MCM5: variants seen among roughly 807,000 people sequenced by gnomAD.
MCM5 encodes minichromosome maintenance complex component 5, also known as DNA replication licensing factor MCM5.
MCM5 carries 46 observed loss-of-function variants against 79.9 expected under a neutral mutation model. The ratio of observed to expected loss-of-function variants is 0.58; its 90% confidence interval spans 0.45 to 0.74. MCM5 has a LOEUF of 0.74. Among genes scored for constraint, MCM5 ranks in the 30% least tolerant of loss-of-function variants. The probability of loss-of-function intolerance (pLI) is 0.00; values close to 1 mark genes in which losing one functional copy is unlikely to be tolerated. For missense variants in MCM5, 883 were observed against 1,017.0 expected (o/e 0.87, Z 1.79); for synonymous variants, 404 against 390.5 (o/e 1.03, Z -0.41).
At chr22:35,434,255 T>G in the MCM5 span, among the ~76,000 whole-genome samples, 2 of 151,792 alleles carry the variant, frequency 1.3e-5, no homozygotes, top group African/African-American at 4.8e-5. Flanking sequence ...AGTAATAATA[T>G]GCTTGAAAAA....
chr22:35,439,434 C>T, the MCM5 span, among the ~76,000 whole-genome samples: 8 of 7,280 alleles, frequency 1.1e-3, no homozygotes, highest in South Asian at 0.016. Flanking sequence ...CATCCATCCA[C>T]CCACATATTA....
chr22:35,439,798 T>C, the MCM5 span, among the ~76,000 whole-genome samples: 1 of 152,188 alleles, frequency 6.6e-6, no homozygotes, highest in Non-Finnish European at 1.5e-5. Context: ...ATTTTCCCCA[T>C]CTGAAAAGTG....
chr22:35,406,017 A>G (rs1601752922), intron 4 of MCM5, among the ~76,000 whole-genome samples: 1 of 151,988 alleles, frequency 6.6e-6, no homozygotes, highest in African/African-American at 2.4e-5. Flanking sequence ...TCTCAAAAAA[A>G]AAAAAAGAAA....
At chr22:35,416,016 C>A (rs373566634) in intron 10 of MCM5, 44 bp downstream of exon 10, 59 of 1,596,992 alleles carry the variant, frequency 3.7e-5, no homozygotes, top group Non-Finnish European at 5.1e-5. Context: ...TGGGTGGCAC[C>A]AGGGTATGTG....
the MCM5 span, among the ~76,000 whole-genome samples, chr22:35,439,106 CCCAT>C: frequency 5.0e-3 from 735 of 146,008 alleles, 21 homozygotes; most frequent in South Asian, 0.084. Flanking sequence ...CATCCATTCA[CCCAT>C]CCACCCACAT....
rs753377947 is a variant in MCM5 at position 35,408,497 on chromosome 22, T to C, written c.686T>C (p.Leu229Pro). The C allele has an allele frequency of 1.2e-6, 2 of 1,614,088 alleles. No individual in the cohort carries two copies. Among genetic ancestry groups the C allele is most frequent in the Non-Finnish European group, 1.7e-6 (2 of 1,180,030 alleles). Residue 229 changes from leucine to proline, a missense_variant, in exon 6 of 17, where the codon CTG becomes CCG. Transcript: ENST00000216122. ...TGCGTGGACTTCCAGACCCTGAAGC[T>C]GCAGGAGCTGCCTGATGCAGTCCCC... ...CKCVDFQTLK[L>P]QELPDAVPHG...
rs765735143 is a variant in MCM5, at chr22:35,414,000, G to C, written c.1203+14G>C. On this transcript the variant is annotated intron_variant, in intron 9 of 16. Coordinates refer to ENST00000216122, the MANE Select transcript of MCM5 (RefSeq NM_006739.4). ...TCTCCCATTGGGGTGAGTGGCCTGGGATACCTTTGCCACCTTGGCTTGCAG... is the reference window on the plus strand; with the variant it reads ...TCTCCCATTGGGGTGAGTGGCCTGGCATACCTTTGCCACCTTGGCTTGCAG... The C allele has an allele frequency of 6.3e-7, 1 of 1,580,606 alleles. No homozygotes were observed. Among genetic ancestry groups the C allele is most frequent in the Non-Finnish European group, 8.7e-7 (1 of 1,149,582 alleles).
chr22:35,417,983 A>G, intron 13 of MCM5, 127 bp downstream of exon 13: 1 of 661,306 alleles, frequency 1.5e-6, no homozygotes, highest in Non-Finnish European at 2.7e-6. Flanking sequence ...TGAGGTTCTC[A>G]GCTCTACTGA....
At chr22:35,454,639 T>C in the MCM5 span, among the ~76,000 whole-genome samples, 1 of 152,316 alleles carries the variant, frequency 6.6e-6, no homozygotes, top group East Asian at 1.9e-4. Flanking sequence ...CTGTGTGATT[T>C]TGGACACCTT....
chr22:35,424,237 T>G lies in MCM5; in HGVS notation c.2187T>G (p.Val729=). ...GEIQHRMQRK[V]LYRLK is the part of the protein sequence containing the mutation. ...TCCAGCATCGCATGCAGCGCAAGGT[T>G]CTCTACCGCCTCAAGTGAGTCGCGC... Residue 729 remains valine (V), a synonymous_variant, in exon 17 of 17, where the codon GTT becomes GTG. Coordinates refer to ENST00000216122, the MANE Select transcript of MCM5 (RefSeq NM_006739.4). The G allele has an allele frequency of 6.5e-7, 1 of 1,549,244 alleles. No individual in the cohort carries two copies.
chr22:35,416,700 C>T lies in MCM5; in HGVS notation c.1476C>T (p.Phe492=), dbSNP rs762680535. Residue 492 remains phenylalanine (F), a synonymous_variant, in exon 12 of 17, where the codon TTC becomes TTT. Transcript: ENST00000216122. ...CSVLAAANSV[F]GRWDETKGED... is the part of the protein sequence containing the mutation. Reference sequence around the variant, plus strand: ...TCCTGGCTGCTGCCAACTCAGTGTTCGGCCGCTGGGATGAGACGAAGGGGG... The same window carrying T: ...TCCTGGCTGCTGCCAACTCAGTGTTTGGCCGCTGGGATGAGACGAAGGGGG... 2.0e-5 allele frequency: 33 copies of T among 1,614,040 alleles called. No homozygotes were observed. The highest frequency in any genetic ancestry group is 4.0e-5 in the African/African-American group (3 of 74,924).
chr22:35,401,284 T>G (rs1330978370), intron 2 of MCM5: 1 of 417,972 alleles, frequency 2.4e-6, no homozygotes, highest in Non-Finnish European at 5.1e-6. Context: ...GTCTGAGACC[T>G]TACAAACTCA....
chr22:35,403,139 C>CCTCA, intron 2 of MCM5, 68 bp from the exon 3 acceptor site: 1 of 1,586,892 alleles, frequency 6.3e-7, no homozygotes, highest in Non-Finnish European at 8.6e-7. Flanking sequence ...TGCAGGCACA[C>CCTCA]CTCAGCCAGT....
the MCM5 span, among the ~76,000 whole-genome samples, chr22:35,446,954 G>A: frequency 6.6e-6 from 1 of 152,118 alleles, no homozygotes; most frequent in Non-Finnish European, 1.5e-5. Context: ...CAAGCCCTCC[G>A]GGGGCCTCAG....
At chr22:35,437,002 G>A in the MCM5 span, among the ~76,000 whole-genome samples, 6 of 119,292 alleles carry the variant, frequency 5.0e-5, no homozygotes, top group East Asian at 1.3e-3. Context: ...CAGAGGACAT[G>A]AGGAGGCCAT....
rs1272365515 is a variant in MCM5, at chr22:35,406,583, C to T, written c.454C>T (p.Pro152Ser). The T allele has an allele frequency of 1.2e-6, 2 of 1,613,830 alleles. No individual in the cohort carries two copies. The highest frequency in any genetic ancestry group is 1.7e-5 in the Admixed American group (1 of 59,998). Reference protein sequence around the residue: ...SDMMSHLVKIPGIIIAASAVR... With the variant: ...SDMMSHLVKISGIIIAASAVR... The stretch of plus-strand genomic sequence containing the variant: ...CATGATGTCACACCTGGTGAAGATC[C>T]CTGGCATCATCATCGCGGCCTCTGC... Residue 152 changes from proline (P) to serine (S), a missense_variant, in exon 5 of 17, where the codon CCT (proline) becomes TCT (serine). By Grantham distance (74) the Pro-to-Ser change is moderately conservative (BLOSUM62 -1). Around this residue, in one of 3 missense-constraint regions of MCM5, gnomAD observed 455 missense variants for 517.5 expected, o/e 0.88. Transcript: ENST00000216122.
intron 14 of MCM5, among the ~76,000 whole-genome samples, chr22:35,421,039 G>A (rs1160590865): frequency 1.3e-5 from 2 of 149,180 alleles, no homozygotes; most frequent in African/African-American, 2.5e-5. Flanking sequence ...GAGGTGGAAG[G>A]ATCACTGGAG....
intron 9 of MCM5, among the ~76,000 whole-genome samples, chr22:35,414,632 A>AAAT (rs4645789): frequency 0.02 from 3,055 of 151,312 alleles, 99 homozygotes; most frequent in African/African-American, 0.07. Flanking sequence ...TAATAATAAT[A>AAAT]AATAATAATA....
At chr22:35,418,924 C>G (rs1310844951) in intron 13 of MCM5, among the ~76,000 whole-genome samples, 1 of 152,212 alleles carries the variant, frequency 6.6e-6, no homozygotes, top group Non-Finnish European at 1.5e-5. Flanking sequence ...GTGAACCCAG[C>G]TGCTTGCCTC....
Sources: gnomAD v4.1 joint callset for allele counts (sites outside exome capture counted in the v4.1 genomes callset) on GRCh38, gnomAD v4.1.1 for gene constraint, gnomAD v4.1.1 regional missense constraint, MANE v1.5 for transcripts, NCBI Gene and HGNC (gene_info 2026-07-23, HGNC 2026-07-21) for gene names.